Variants in TEAD1 observed in about 807,000 individuals in gnomAD.
TEAD1 encodes the protein TEA domain transcription factor 1.
Under a neutral mutation model 54.9 loss-of-function variants are expected in TEAD1, and 9 were observed. That is an observed-to-expected ratio of 0.16 (90% CI 0.10 to 0.29). The LOEUF is 0.29. Among genes scored for constraint, TEAD1 ranks in the 10% least tolerant of loss-of-function variants. TEAD1 has a pLI of 1.00. For missense variants in TEAD1, 387 were observed against 535.9 expected, an observed-to-expected ratio of 0.72 and a Z score of 2.74; for synonymous variants, 200 against 187.8, an observed-to-expected ratio of 1.07 and a Z score of -0.53.
chr11:12,764,735 G>C (rs778821466), intron 3 of TEAD1, among the ~76,000 whole-genome samples: 14 of 151,700 alleles, frequency 9.2e-5, no homozygotes, highest in Non-Finnish European at 1.6e-4. Context: ...ACAGACACCA[G>C]ATGGTGGGGA....
chr11:12,684,194 A>G (rs1035428302), intron 2 of TEAD1, among the ~76,000 whole-genome samples: 1 of 152,206 alleles, frequency 6.6e-6, no homozygotes, highest in Admixed American at 6.5e-5. Flanking sequence ...TTGACCATTA[A>G]TCGCTTTGAA....
At chr11:12,799,661 A>C (rs936194978) in intron 3 of TEAD1, among the ~76,000 whole-genome samples, 3 of 152,240 alleles carry the variant, frequency 2.0e-5, no homozygotes, top group African/African-American at 7.2e-5. Context: ...AGTGGCTTAG[A>C]GAGGTTAAGA....
intron 2 of TEAD1, among the ~76,000 whole-genome samples, chr11:12,686,177 A>G (rs1460716735): frequency 6.6e-6 from 1 of 152,190 alleles, no homozygotes; most frequent in Non-Finnish European, 1.5e-5. Flanking sequence ...CCCAGTTTGG[A>G]TGATAAATTA....
At chr11:12,813,311 C>T (rs10831911) in intron 3 of TEAD1, among the ~76,000 whole-genome samples, 55,743 of 151,960 alleles carry the variant, frequency 0.37, 10,755 homozygotes, top group South Asian at 0.61. Context: ...TGCCATCTTC[C>T]AATCAGCCAT....
At chr11:12,788,406 A>T (rs1386250155) in intron 3 of TEAD1, among the ~76,000 whole-genome samples, 2 of 152,130 alleles carry the variant, frequency 1.3e-5, no homozygotes, top group Non-Finnish European at 2.9e-5. Flanking sequence ...TGCTAGGATT[A>T]CAGGCATGAG....
At position 12,939,233 on chromosome 11, in the gene TEAD1, G is replaced by T. The variant is rs899847195; in HGVS notation, c.*2011G>T. ...TGGGTCCCTGATTCCAGGCTGGCCTGTGAAGGATTGCCCCAGGTGTCCCCT... is the reference window on the plus strand; with the variant it reads ...TGGGTCCCTGATTCCAGGCTGGCCTTTGAAGGATTGCCCCAGGTGTCCCCT... On this transcript the variant is annotated 3_prime_UTR_variant, in exon 13 of 13. Coordinates refer to ENST00000527636, the MANE Select transcript of TEAD1 (RefSeq NM_021961.6). The T allele has an allele frequency of 6.6e-6, 1 of 152,354 alleles. No homozygotes were observed. Among genetic ancestry groups the T allele is most frequent in the Non-Finnish European group, 1.5e-5 (1 of 68,154 alleles). 9.4% of individuals were successfully genotyped at this position (152,354 alleles called of 1,614,324 possible).
At chr11:12,824,496 A>C (rs2069699974) in intron 3 of TEAD1, among the ~76,000 whole-genome samples, 1 of 152,242 alleles carries the variant, frequency 6.6e-6, no homozygotes, top group Admixed American at 6.5e-5. Context: ...CTTTGGAACC[A>C]GTGTGTTCTT....
intron 7 of TEAD1, 61 bp from the exon 8 acceptor site, chr11:12,881,835 G>C: frequency 6.4e-7 from 1 of 1,573,738 alleles, no homozygotes; most frequent in Non-Finnish European, 8.7e-7. Context: ...GTGGGGCCTG[G>C]GTAATAGCCC....
intron 2 of TEAD1, among the ~76,000 whole-genome samples, chr11:12,705,611 A>T (rs1943797142): frequency 6.6e-6 from 1 of 152,210 alleles, no homozygotes; most frequent in Non-Finnish European, 1.5e-5. Context: ...CATTGTGAAC[A>T]CAATGGCAGG....
chr11:12,903,145 C>T (rs1186002309), intron 10 of TEAD1, among the ~76,000 whole-genome samples: 3 of 152,100 alleles, frequency 2.0e-5, no homozygotes, highest in African/African-American at 7.2e-5. Context: ...TCATCCTCCA[C>T]GTTTTAGGTG....
intron 2 of TEAD1, among the ~76,000 whole-genome samples, chr11:12,697,045 G>T (rs1048927663): frequency 6.6e-6 from 1 of 152,174 alleles, no homozygotes; most frequent in Non-Finnish European, 1.5e-5. Context: ...AGCATGGCAG[G>T]TGAGGAATTT....
intron 3 of TEAD1, among the ~76,000 whole-genome samples, chr11:12,781,921 C>T (rs1317308440): frequency 7.2e-6 from 1 of 139,360 alleles, no homozygotes; most frequent in Admixed American, 7.7e-5. Flanking sequence ...TAGAATCCAG[C>T]CTGGGCAACA....
chr11:12,682,251 C>T (rs527902995), intron 2 of TEAD1, among the ~76,000 whole-genome samples: 58 of 152,302 alleles, frequency 3.8e-4, no homozygotes, highest in African/African-American at 1.3e-3. Flanking sequence ...AGATGTTCTT[C>T]ATTGGTTTTA....
In TEAD1 at chr11:12,781,951, C is replaced by CAAAA. The variant is rs71454001; in HGVS notation, c.202+17534_202+17537dup. ...GCAACATGGTGAAACCTCGTCTGTA[C>CAAAA]AAAAAAAAAAAAAAAAAAAAGAAAG... On this transcript the variant is annotated intron_variant, in intron 3 of 12. Coordinates refer to ENST00000527636, the MANE Select transcript of TEAD1 (RefSeq NM_021961.6). Among the ~76,000 whole-genome samples, 146 of 60,450 alleles carry CAAAA rather than the reference C, an allele frequency of 2.4e-3. 1 individual carries two copies. The highest frequency in any genetic ancestry group is 3.7e-3 in the African/African-American group (42 of 11,502). 39.7% of individuals were successfully genotyped at this position (60,450 alleles called of 152,430 possible). A position where few individuals can be genotyped will look rare whatever the true frequency, so the allele number is the denominator to read the frequency against.
intron 3 of TEAD1, among the ~76,000 whole-genome samples, chr11:12,844,204 C>CG (rs1947094737): frequency 6.6e-6 from 1 of 152,058 alleles, no homozygotes; most frequent in Non-Finnish European, 1.5e-5. Context: ...AATTTAGTTA[C>CG]AAGGTCTTTA....
chr11:12,865,081 A>G (rs1947589274), intron 5 of TEAD1, 181 bp downstream of exon 5: 3 of 728,294 alleles, frequency 4.1e-6, no homozygotes, highest in South Asian at 1.5e-5. Flanking sequence ...ATTAAACTCA[A>G]TGTGTGTGAG....
In TEAD1 at chr11:12,814,775, CTCTGTGTGTGTG is replaced by C. The variant is rs1198352907; in HGVS notation, c.203-47473_203-47462del. Reference sequence around the variant, plus strand: ...CCAGCCACCCCTGACCATCGCAGAGCTCTGTGTGTGTGTGTGTGTGTGTGTGTGTGTGTGTGT... The same window carrying C: ...CCAGCCACCCCTGACCATCGCAGAGCTGTGTGTGTGTGTGTGTGTGTGTGT... On this transcript the variant is annotated intron_variant, in intron 3 of 12. Coordinates refer to ENST00000527636, the MANE Select transcript of TEAD1 (RefSeq NM_021961.6). 9.3e-3 allele frequency among the ~76,000 whole-genome samples: 1,319 copies of C among 142,198 alleles called. 38 individuals are homozygous for C. Among genetic ancestry groups the C allele is most frequent in the Non-Finnish European group, 0.013 (861 of 65,520 alleles). 93.3% of individuals were successfully genotyped at this position (142,198 alleles called of 152,430 possible).
chr11:12,907,837 C>A (rs1948547098), intron 10 of TEAD1, among the ~76,000 whole-genome samples: 1 of 152,184 alleles, frequency 6.6e-6, no homozygotes, highest in Non-Finnish European at 1.5e-5. Context: ...AGAATCCATG[C>A]TCTTTGTGTA....
intron 11 of TEAD1, among the ~76,000 whole-genome samples, chr11:12,929,063 G>C (rs570291075): frequency 1.2e-4 from 19 of 152,138 alleles, no homozygotes; most frequent in Admixed American, 5.2e-4. Flanking sequence ...CACAATGACT[G>C]ATCTATTTGT....
Sources: gnomAD v4.1 joint callset for allele counts (sites outside exome capture counted in the v4.1 genomes callset) on GRCh38, gnomAD v4.1.1 for gene constraint, MANE v1.5 for transcripts, NCBI Gene and HGNC (gene_info 2026-07-23, HGNC 2026-07-21) for gene names.